The following SYNDIG1 variants were observed in gnomAD, a reference collection of about 807,000 sequenced individuals.
The protein encoded by SYNDIG1 is synapse differentiation-inducing gene protein 1.
A neutral mutation model predicts 19.4 loss-of-function variants in SYNDIG1; 9 were observed. The observed-to-expected ratio is 0.46, with a 90% CI of 0.28 to 0.81. The LOEUF (loss-of-function observed/expected upper bound fraction) is 0.81. Among genes scored for constraint, SYNDIG1 ranks in the 30% least tolerant of loss-of-function variants. The pLI is 0.12. For synonymous variants in SYNDIG1, 141 were observed against 145.9 expected (o/e 0.97, Z 0.24); for missense variants, 311 against 343.3 (o/e 0.91, Z 0.74).
At chr20:24,555,233 T>C (rs989382270) in intron 2 of SYNDIG1, among the ~76,000 whole-genome samples, 3 of 152,226 alleles carry the variant, frequency 2.0e-5, no homozygotes, top group Admixed American at 2.0e-4. Context: ...CTATCAATTT[T>C]GTTGATCCTT....
At chr20:24,559,812 T>C (rs1600626807) in intron 2 of SYNDIG1, among the ~76,000 whole-genome samples, 3 of 152,170 alleles carry the variant, frequency 2.0e-5, no homozygotes, top group East Asian at 3.9e-4. Context: ...CAGCCTCCAT[T>C]GTTTCATATA....
chr20:24,650,582 A>G (rs1367273195), intron 3 of SYNDIG1, among the ~76,000 whole-genome samples: 1 of 152,222 alleles, frequency 6.6e-6, no homozygotes, highest in Non-Finnish European at 1.5e-5. Context: ...TCCATGTGAG[A>G]AAAACGTCCC....
intron 1 of SYNDIG1, among the ~76,000 whole-genome samples, chr20:24,496,297 G>C (rs1035334853): frequency 6.6e-6 from 1 of 152,144 alleles, no homozygotes; most frequent in African/African-American, 2.4e-5. Context: ...CTGAATCTAT[G>C]GCTGCGTTTG....
At chr20:24,532,292 A>G (rs2057276106) in intron 1 of SYNDIG1, among the ~76,000 whole-genome samples, 1 of 152,206 alleles carries the variant, frequency 6.6e-6, no homozygotes, top group Non-Finnish European at 1.5e-5. Context: ...CTTCCGTACC[A>G]TGGAATATGA....
At chr20:24,652,403 A>G (rs2059482021) in intron 3 of SYNDIG1, among the ~76,000 whole-genome samples, 1 of 152,040 alleles carries the variant, frequency 6.6e-6, no homozygotes, top group Admixed American at 6.5e-5. Context: ...ACGTTCACAA[A>G]ACTTATATGA....
At chr20:24,523,026 T>C (rs191626721) in intron 1 of SYNDIG1, among the ~76,000 whole-genome samples, 109 of 152,138 alleles carry the variant, frequency 7.2e-4, no homozygotes, top group African/African-American at 2.6e-3. Context: ...CATTTCAATA[T>C]GAGATTTGGA....
chr20:24,540,622 G>A (rs1391453179), intron 1 of SYNDIG1, among the ~76,000 whole-genome samples: 1 of 152,066 alleles, frequency 6.6e-6, no homozygotes, highest in African/African-American at 2.4e-5. Flanking sequence ...TAGTAGAAAG[G>A]CATTAAATTC....
intron 3 of SYNDIG1, among the ~76,000 whole-genome samples, chr20:24,650,659 G>T (rs1001627664): frequency 6.6e-6 from 1 of 152,222 alleles, no homozygotes; most frequent in South Asian, 2.1e-4. Context: ...CTAGGACAGC[G>T]TTCCAGCGTG....
chr20:24,544,423 G>A (rs533228198), intron 2 of SYNDIG1, among the ~76,000 whole-genome samples: 11 of 152,332 alleles, frequency 7.2e-5, no homozygotes, highest in Non-Finnish European at 1.2e-4. Flanking sequence ...GGAAACCGCC[G>A]AGCAGGTCCA....
At chr20:24,640,981 G>C (rs151327860) in intron 3 of SYNDIG1, among the ~76,000 whole-genome samples, 3 of 152,170 alleles carry the variant, frequency 2.0e-5, no homozygotes, top group Non-Finnish European at 4.4e-5. Context: ...GTCCCCGGTG[G>C]GTGTTTAAAA....
rs1253764686 is a variant in SYNDIG1 at position 24,658,327 on chromosome 20, G to T, written c.619-7019G>T. Among the ~76,000 whole-genome samples, 2 of 152,136 alleles carry T rather than the reference G, an allele frequency of 1.3e-5. No individual in the cohort carries two copies. The highest frequency in any genetic ancestry group is 2.9e-5 in the Non-Finnish European group (2 of 68,024). Reference sequence around the variant, plus strand: ...TCGGGGAAAGGCAGGTAGTGACGCGGCAGGGGACTGGAGCTCGGTGGAGTG... The same window carrying T: ...TCGGGGAAAGGCAGGTAGTGACGCGTCAGGGGACTGGAGCTCGGTGGAGTG... On this transcript the variant is annotated intron_variant, in intron 3 of 3. Coordinates refer to ENST00000376862, the MANE Select transcript of SYNDIG1 (RefSeq NM_024893.3). This position sits in a 1 kb window ranked among gnomAD's most constrained non-coding sequence, Gnocchi z 4.4.
intron 3 of SYNDIG1, among the ~76,000 whole-genome samples, chr20:24,648,480 C>T (rs1439914488): frequency 6.6e-6 from 1 of 152,226 alleles, no homozygotes; most frequent in East Asian, 1.9e-4. Flanking sequence ...TGTATCATCA[C>T]ACATTTCGGG....
intron 1 of SYNDIG1, among the ~76,000 whole-genome samples, chr20:24,538,671 T>C (rs2057408388): frequency 6.6e-6 from 1 of 152,228 alleles, no homozygotes; most frequent in African/African-American, 2.4e-5. Context: ...TTTGAGGAAC[T>C]GCCATACTGT....
At chr20:24,482,333 T>TAAACCCTCAC (rs2055822541) in intron 1 of SYNDIG1, among the ~76,000 whole-genome samples, 1 of 152,176 alleles carries the variant, frequency 6.6e-6, no homozygotes, top group Admixed American at 6.5e-5. Flanking sequence ...CCTCCCAAAG[T>TAAACCCTCAC]GCTGGGATTA....
chr20:24,538,321 C>T (rs1029459906), intron 1 of SYNDIG1, among the ~76,000 whole-genome samples: 1 of 152,164 alleles, frequency 6.6e-6, no homozygotes, highest in African/African-American at 2.4e-5. Context: ...CTTTTGATGA[C>T]TCTAAGTACC....
intron 1 of SYNDIG1, among the ~76,000 whole-genome samples, chr20:24,475,981 C>T (rs376276060): frequency 6.6e-6 from 1 of 152,078 alleles, no homozygotes; most frequent in African/African-American, 2.4e-5. Flanking sequence ...CCACCTCAAC[C>T]TCCCAAGTAG....
chr20:24,578,368 G>A (rs955795627), intron 2 of SYNDIG1, among the ~76,000 whole-genome samples: 2 of 151,748 alleles, frequency 1.3e-5, no homozygotes, highest in Non-Finnish European at 2.9e-5. Context: ...GCTTGAACCC[G>A]GGAGGCGGAG....
At chr20:24,535,696 G>C (rs554326641) in intron 1 of SYNDIG1, among the ~76,000 whole-genome samples, 12 of 152,192 alleles carry the variant, frequency 7.9e-5, no homozygotes, top group Non-Finnish European at 1.5e-4. Context: ...AATAACAAGG[G>C]TGACACCACT....
chr20:24,552,169 G>A (rs1488997155), intron 2 of SYNDIG1, among the ~76,000 whole-genome samples: 1 of 152,128 alleles, frequency 6.6e-6, no homozygotes, highest in Non-Finnish European at 1.5e-5. Flanking sequence ...ATTTATAATT[G>A]TTATATCTTG....
Sources: allele counts gnomAD v4.1 joint callset (sites outside exome capture counted in the v4.1 genomes callset), GRCh38; gene constraint gnomAD v4.1.1; non-coding constraint Gnocchi (gnomAD v3.1); transcripts MANE v1.5; gene names NCBI Gene and HGNC (gene_info 2026-07-23, HGNC 2026-07-21).